Variants in FAM117B observed in about 807,000 individuals in gnomAD.
FAM117B encodes protein FAM117B.
In FAM117B, 22 loss-of-function variants were observed where a neutral mutation model predicts 52.8. The ratio of observed to expected loss-of-function variants is 0.42; its 90% confidence interval spans 0.30 to 0.59. The LOEUF (loss-of-function observed/expected upper bound fraction) is 0.59. FAM117B is among the 20% of genes least tolerant of loss of function. FAM117B has a pLI of 0.22. For missense variants in FAM117B, 678 were observed against 802.6 expected, an observed-to-expected ratio of 0.84 and a Z score of 1.88; for synonymous variants, 309 against 324.1, an observed-to-expected ratio of 0.95 and a Z score of 0.50.
chr2:202,653,507 A>G (rs970044975), intron 1 of FAM117B, among the ~76,000 whole-genome samples: 3 of 151,974 alleles, frequency 2.0e-5, no homozygotes, highest in African/African-American at 7.3e-5. Flanking sequence ...CCTGACATTT[A>G]TCTTTTGTGT....
At chr2:202,734,213 T>C (rs551584297) in intron 4 of FAM117B, among the ~76,000 whole-genome samples, 33 of 152,262 alleles carry the variant, frequency 2.2e-4, no homozygotes, top group Non-Finnish European at 3.8e-4. Flanking sequence ...CACACAACTC[T>C]GTTCAATACC....
chr2:202,734,118 G>C (rs906367880), intron 4 of FAM117B, among the ~76,000 whole-genome samples: 10 of 152,204 alleles, frequency 6.6e-5, no homozygotes, highest in Non-Finnish European at 4.4e-5. Context: ...GTTGAGTAGG[G>C]CTGGGAAAGT....
chr2:202,734,048 T>G (rs1041337206), intron 4 of FAM117B, among the ~76,000 whole-genome samples: 1 of 152,270 alleles, frequency 6.6e-6, no homozygotes, highest in African/African-American at 2.4e-5. Flanking sequence ...TATGTTCCTC[T>G]GCTGCGGCTC....
chr2:202,731,517 G>A (rs542324490), intron 4 of FAM117B, among the ~76,000 whole-genome samples: 11 of 151,290 alleles, frequency 7.3e-5, no homozygotes, highest in South Asian at 4.2e-4. Flanking sequence ...TGTAACCTCC[G>A]CCTCCCGGGT....
At chr2:202,760,894 G>T (rs1205157666) in intron 7 of FAM117B, among the ~76,000 whole-genome samples, 2 of 152,114 alleles carry the variant, frequency 1.3e-5, no homozygotes, top group Non-Finnish European at 2.9e-5. Flanking sequence ...TTTTGGAGTT[G>T]TGCCTGCCCC....
chr2:202,718,577 T>A (rs1691097144), intron 2 of FAM117B, among the ~76,000 whole-genome samples: 1 of 152,232 alleles, frequency 6.6e-6, no homozygotes, highest in East Asian at 1.9e-4. Context: ...TATGATTTTT[T>A]AAAAATTTTG....
intron 4 of FAM117B, among the ~76,000 whole-genome samples, chr2:202,753,715 C>G (rs888911461): frequency 6.6e-6 from 1 of 151,652 alleles, no homozygotes; most frequent in Non-Finnish European, 1.5e-5. Flanking sequence ...TGAACAGACT[C>G]TTCTTAAAAG....
intron 1 of FAM117B, among the ~76,000 whole-genome samples, chr2:202,664,804 C>G (rs776736991): frequency 5.9e-5 from 9 of 152,036 alleles, no homozygotes; most frequent in Non-Finnish European, 1.3e-4. Flanking sequence ...GAAGGAATTA[C>G]GGGTTTCTCT....
At chr2:202,754,362 G>A (rs1168708530) in intron 4 of FAM117B, among the ~76,000 whole-genome samples, 1 of 152,108 alleles carries the variant, frequency 6.6e-6, no homozygotes, top group African/African-American at 2.4e-5. Context: ...ACACACACCA[G>A]GGCCTGTTTG....
At position 202,651,655 on chromosome 2, in the gene FAM117B, T is replaced by A. The variant is rs1032742400; in HGVS notation, c.601+15867T>A. The stretch of plus-strand genomic sequence containing the variant: ...TCCCAAAGTGCTGGGATTACAGGCG[T>A]GAGCCACCACGCCTGGCCAAAAGTT... On this transcript the variant is annotated intron_variant, in intron 1 of 7. Coordinates refer to ENST00000392238, the MANE Select transcript of FAM117B (RefSeq NM_173511.4). 2.0e-5 allele frequency among the ~76,000 whole-genome samples: 3 copies of A among 151,980 alleles called. No individual in the cohort carries two copies. In the East Asian group the frequency reaches 5.8e-4, roughly 29 times the overall value.
At chr2:202,666,453 C>T (rs1375174114) in intron 1 of FAM117B, among the ~76,000 whole-genome samples, 1 of 151,614 alleles carries the variant, frequency 6.6e-6, no homozygotes, top group Non-Finnish European at 1.5e-5. Flanking sequence ...GTGAGGATGG[C>T]AGACAGAAGG....
chr2:202,687,790 A>G (rs185232188), intron 1 of FAM117B, among the ~76,000 whole-genome samples: 25 of 152,310 alleles, frequency 1.6e-4, no homozygotes, highest in South Asian at 6.2e-4. Flanking sequence ...AGTTTCTACA[A>G]TAGTCCTTAT....
chr2:202,755,138 A>G (rs1280860140), intron 4 of FAM117B, among the ~76,000 whole-genome samples: 2 of 151,946 alleles, frequency 1.3e-5, no homozygotes, highest in African/African-American at 4.8e-5. Context: ...GTGCTAAACC[A>G]TTCATGAGAG....
intron 7 of FAM117B, 56 bp downstream of exon 7, chr2:202,759,409 A>G: frequency 6.3e-7 from 1 of 1,578,438 alleles, no homozygotes. Flanking sequence ...TTTTTTTTTG[A>G]GATAGGATCT....
chr2:202,729,602 T>C (rs1691308522), intron 4 of FAM117B, among the ~76,000 whole-genome samples: 1 of 152,202 alleles, frequency 6.6e-6, no homozygotes, highest in African/African-American at 2.4e-5. Context: ...CAGTTAATTA[T>C]AACACTGTAT....
chr2:202,732,287 C>G (rs1214404358), intron 4 of FAM117B, among the ~76,000 whole-genome samples: 1 of 152,122 alleles, frequency 6.6e-6, no homozygotes, highest in Non-Finnish European at 1.5e-5. Context: ...GCCAAATGGC[C>G]CGGCACTTCC....
chr2:202,667,753 G>C (rs1208915835), intron 1 of FAM117B, among the ~76,000 whole-genome samples: 2 of 151,912 alleles, frequency 1.3e-5, no homozygotes, highest in African/African-American at 2.4e-5. Context: ...TAGTATGCTG[G>C]CTATATTTTT....
At chr2:202,737,726 C>G (rs574991814) in intron 4 of FAM117B, among the ~76,000 whole-genome samples, 11 of 152,136 alleles carry the variant, frequency 7.2e-5, no homozygotes, top group East Asian at 3.9e-4. Context: ...CTCAGCCTCC[C>G]GAGTGGCTGG....
intron 2 of FAM117B, among the ~76,000 whole-genome samples, chr2:202,706,516 A>C (rs923890859): frequency 6.6e-6 from 1 of 152,204 alleles, no homozygotes; most frequent in Non-Finnish European, 1.5e-5. Context: ...TAAAACAATA[A>C]AAGTTGAATA....
Sources: gnomAD v4.1 joint callset for allele counts (sites outside exome capture counted in the v4.1 genomes callset) on GRCh38, gnomAD v4.1.1 for gene constraint, MANE v1.5 for transcripts, NCBI Gene and HGNC (gene_info 2026-07-23, HGNC 2026-07-21) for gene names.